TTC28: variants seen among roughly 807,000 people sequenced by gnomAD.
TTC28 encodes tetratricopeptide repeat domain 28.
A neutral mutation model predicts 198.0 loss-of-function variants in TTC28; 61 were observed. The observed-to-expected ratio is 0.31, with a 90% CI of 0.25 to 0.38. TTC28 has a LOEUF of 0.38. Ranked by LOEUF, TTC28 falls within the 10% of genes least tolerant of loss-of-function variation. The probability of loss-of-function intolerance (pLI) is 1.00; values close to 1 mark genes in which losing one functional copy is unlikely to be tolerated. For synonymous variants in TTC28, 1,171 were observed against 1,297.8 expected (o/e 0.90, Z 2.10); for missense variants, 2,678 against 3,164.0 (o/e 0.85, Z 3.69).
chr22:28,499,321 A>G (rs2048502033), intron 2 of TTC28, among the ~76,000 whole-genome samples: 3 of 152,220 alleles, frequency 2.0e-5, no homozygotes, highest in Admixed American at 2.0e-4. Context: ...ATCTAAAAGA[A>G]AAAGTAAACT....
intron 2 of TTC28, among the ~76,000 whole-genome samples, chr22:28,389,666 T>C (rs1410565392): frequency 6.6e-6 from 1 of 151,250 alleles, no homozygotes; most frequent in Non-Finnish European, 1.5e-5. Context: ...GTAGTTTGTA[T>C]TTCTGTGGTA....
At chr22:28,350,354 T>G (rs1259998386) in intron 2 of TTC28, among the ~76,000 whole-genome samples, 1 of 152,228 alleles carries the variant, frequency 6.6e-6, no homozygotes, top group Non-Finnish European at 1.5e-5. Flanking sequence ...TTCTTAGTTT[T>G]TAGCTTTTTT....
intron 2 of TTC28, among the ~76,000 whole-genome samples, chr22:28,536,155 C>T (rs2049270020): frequency 1.5e-5 from 2 of 137,724 alleles, no homozygotes; most frequent in South Asian, 2.3e-4. Flanking sequence ...GCCGAGATCA[C>T]GCCACTGCAC....
At chr22:28,076,881 T>C (rs1941185853) in intron 12 of TTC28, among the ~76,000 whole-genome samples, 1 of 152,326 alleles carries the variant, frequency 6.6e-6, no homozygotes, top group East Asian at 1.9e-4. Context: ...CAGCCTGAGG[T>C]AGGTCCCATC....
intron 14 of TTC28, chr22:28,008,317 A>G (rs773613308): frequency 6.6e-6 from 1 of 152,152 alleles, no homozygotes; most frequent in Non-Finnish European, 1.5e-5. Flanking sequence ...CCCTGCTTTC[A>G]CTCTTAGATG....
At chr22:28,455,731 T>A (rs28595631) in intron 2 of TTC28, among the ~76,000 whole-genome samples, 137 of 149,344 alleles carry the variant, frequency 9.2e-4, no homozygotes, top group African/African-American at 3.2e-3. Context: ...AAAAAAAAAA[T>A]TAGCATTTCC....
At chr22:28,013,254 C>T (rs1307245883) in intron 14 of TTC28, among the ~76,000 whole-genome samples, 1 of 152,232 alleles carries the variant, frequency 6.6e-6, no homozygotes, top group African/African-American at 2.4e-5. Context: ...TGGCTGCAGA[C>T]TGCTGGGAAG....
intron 5 of TTC28, among the ~76,000 whole-genome samples, chr22:28,265,117 A>G (rs1047524706): frequency 1.3e-5 from 2 of 152,174 alleles, no homozygotes; most frequent in South Asian, 2.1e-4. Flanking sequence ...AGAATAAATG[A>G]CATACATTTA....
intron 2 of TTC28, among the ~76,000 whole-genome samples, chr22:28,426,211 C>CAAAAAAAA (rs34448246): frequency 1.5e-4 from 13 of 85,594 alleles, no homozygotes; most frequent in East Asian, 3.8e-4. Context: ...GACTCCACGT[C>CAAAAAAAA]AAAAAAAAAA....
chr22:27,996,589 G>C (rs1038351572), intron 16 of TTC28, among the ~76,000 whole-genome samples: 1 of 152,198 alleles, frequency 6.6e-6, no homozygotes, highest in African/African-American at 2.4e-5. Flanking sequence ...GGCCTTTAGG[G>C]GGGAACACGT....
At chr22:28,493,929 A>G (rs1455093548) in intron 2 of TTC28, among the ~76,000 whole-genome samples, 1 of 152,220 alleles carries the variant, frequency 6.6e-6, no homozygotes, top group Non-Finnish European at 1.5e-5. Context: ...TATAAAATTT[A>G]AAAGATAAGG....
At chr22:28,584,625 A>G (rs1246691318) in intron 2 of TTC28, among the ~76,000 whole-genome samples, 1 of 152,230 alleles carries the variant, frequency 6.6e-6, no homozygotes, top group East Asian at 1.9e-4. Flanking sequence ...TTTAATTGTA[A>G]TTAACAAGTT....
At chr22:28,303,732 T>G (rs1292552392) in intron 3 of TTC28, 1 of 152,620 alleles carries the variant, frequency 6.6e-6, no homozygotes, top group Non-Finnish European at 1.5e-5. Context: ...TTTTCTCTGC[T>G]GCATTCAAGG....
intron 9 of TTC28, among the ~76,000 whole-genome samples, chr22:28,099,453 T>C (rs1942076657): frequency 6.6e-6 from 1 of 152,108 alleles, no homozygotes; most frequent in Admixed American, 6.5e-5. Context: ...CCAGAGTGAG[T>C]AAAGCCATGG....
At chr22:28,475,936 A>C (rs976938070) in intron 2 of TTC28, among the ~76,000 whole-genome samples, 6 of 152,122 alleles carry the variant, frequency 3.9e-5, no homozygotes, top group African/African-American at 1.4e-4. Context: ...AATTGCAAAA[A>C]TTTCTGCTTT....
rs917273092 is a variant in TTC28, at chr22:28,610,841, T to C, written c.381+18711A>G. On this transcript the variant is annotated intron_variant, in intron 2 of 22. Transcript: ENST00000397906. The stretch of plus-strand genomic sequence containing the variant: ...GAACCTTGAAAAAAGGTCAGACAAA[T>C]TGCCAACTAGAATAACCAGCTTAGA... Among the ~76,000 whole-genome samples, 20 of 151,890 alleles carry C rather than the reference T, an allele frequency of 1.3e-4. No homozygotes were observed. The East Asian group carries it at 3.9e-3, about 29-fold the overall frequency.
At position 27,981,217 on chromosome 22, in the gene TTC28, G is replaced by GTT. The variant is rs1410177081; in HGVS notation, c.*1002_*1003dup. On this transcript the variant is annotated 3_prime_UTR_variant, in exon 23 of 23. Coordinates refer to ENST00000397906, the MANE Select transcript of TTC28 (RefSeq NM_001145418.2). ...GAAGGCGGGATTCTGGTTAAATCTA[G>GTT]TTAGCCATGGAAATTTTTTTTTTTT... 9.1e-6 allele frequency: 1 copy of GTT among 109,522 alleles called. No individual in the cohort carries two copies. Among genetic ancestry groups the GTT allele is most frequent in the Non-Finnish European group, 1.8e-5 (1 of 56,766 alleles). 6.8% of individuals were successfully genotyped at this position (109,522 alleles called of 1,614,324 possible). A position where few individuals can be genotyped will look rare whatever the true frequency, so the allele number is the denominator to read the frequency against.
chr22:28,671,826 C>A (rs951576409), intron 1 of TTC28, among the ~76,000 whole-genome samples: 5 of 151,230 alleles, frequency 3.3e-5, no homozygotes, highest in Non-Finnish European at 5.9e-5. Flanking sequence ...CAGGCGCCTG[C>A]CACCATGCCC....
intron 2 of TTC28, among the ~76,000 whole-genome samples, chr22:28,399,597 G>A (rs1170499632): frequency 2.0e-5 from 3 of 151,988 alleles, no homozygotes; most frequent in African/African-American, 7.3e-5. Context: ...CAGCCACTAC[G>A]CCCAGCCTAG....
Sources: gnomAD v4.1 joint callset for allele counts (sites outside exome capture counted in the v4.1 genomes callset) on GRCh38, gnomAD v4.1.1 for gene constraint, MANE v1.5 for transcripts, NCBI Gene and HGNC (gene_info 2026-07-23, HGNC 2026-07-21) for gene names.